Variants in PXDNL observed in about 807,000 individuals in gnomAD.
PXDNL encodes the protein peroxidasin like.
In PXDNL, 145 loss-of-function variants were observed where a neutral mutation model predicts 150.8. The observed-to-expected ratio is 0.96, with a 90% CI of 0.84 to 1.10. The LOEUF is 1.10. Among genes scored for constraint, PXDNL ranks in the 50% least tolerant of loss-of-function variants. The pLI is 0.00. For missense variants in PXDNL, 2,087 were observed against 1,873.9 expected (o/e 1.11, Z -2.10); for synonymous variants, 757 against 725.7 (o/e 1.04, Z -0.69).
At chr8:51,569,449 A>G (rs146838060) in intron 3 of PXDNL, among the ~76,000 whole-genome samples, 1 of 152,070 alleles carries the variant, frequency 6.6e-6, no homozygotes, top group East Asian at 1.9e-4. Flanking sequence ...CAAAAATGTT[A>G]TGATGAACAT....
intron 1 of PXDNL, among the ~76,000 whole-genome samples, chr8:51,772,965 A>C (rs1460660356): frequency 6.6e-6 from 1 of 152,182 alleles, no homozygotes; most frequent in Non-Finnish European, 1.5e-5. Flanking sequence ...TAAATTACAC[A>C]CACCTACTTC....
chr8:51,613,459 G>T (rs541782283), intron 2 of PXDNL, among the ~76,000 whole-genome samples: 1 of 117,810 alleles, frequency 8.5e-6, no homozygotes, highest in Non-Finnish European at 1.9e-5. Context: ...AAGAGGATCC[G>T]GGGAAACCTC....
chr8:51,602,238 A>G (rs886822501), intron 2 of PXDNL, among the ~76,000 whole-genome samples: 3 of 151,930 alleles, frequency 2.0e-5, no homozygotes, highest in African/African-American at 7.2e-5. Context: ...CAACTAGATT[A>G]AGGAAGTTTT....
rs769772282 is a variant in PXDNL at position 51,696,805 on chromosome 8, T to TCACACACACA, written c.165-42055_165-42046dup. ...CACATACCCACCCACACATAGGTCTTCACACACACACACACACACACACAC... is the reference window on the plus strand; with the variant it reads ...CACATACCCACCCACACATAGGTCTTCACACACACACACACACACACACACACACACACAC... On this transcript the variant is annotated intron_variant, in intron 1 of 22. Coordinates refer to ENST00000356297, the MANE Select transcript of PXDNL (RefSeq NM_144651.5). Among the ~76,000 whole-genome samples the TCACACACACA allele has an allele frequency of 3.3e-3, 86 of 26,404 alleles. 1 individual carries two copies. The highest frequency in any genetic ancestry group is 0.02 in the African/African-American group (83 of 4,156). The allele number at this position is 26,404 out of a possible 152,430, so 17.3% of individuals were successfully genotyped here.
chr8:51,679,457 A>G (rs1378087006), intron 1 of PXDNL, among the ~76,000 whole-genome samples: 1 of 152,348 alleles, frequency 6.6e-6, no homozygotes, highest in Admixed American at 6.5e-5. Flanking sequence ...TACTTAACAT[A>G]TCATTTGTAA....
chr8:51,477,388 T>C (rs987907274), intron 6 of PXDNL, among the ~76,000 whole-genome samples: 1 of 152,148 alleles, frequency 6.6e-6, no homozygotes, highest in African/African-American at 2.4e-5. Context: ...ATGGCTAAAG[T>C]AGGGAATTCT....
chr8:51,629,403 A>G (rs1342397532), intron 2 of PXDNL, among the ~76,000 whole-genome samples: 1 of 152,138 alleles, frequency 6.6e-6, no homozygotes, highest in Non-Finnish European at 1.5e-5. Context: ...AAGAAAAATG[A>G]ACAGAACCTA....
intron 1 of PXDNL, among the ~76,000 whole-genome samples, chr8:51,744,768 AG>A (rs34285850): frequency 0.96 from 129,494 of 134,978 alleles, 62,436 homozygotes; most frequent in East Asian, 1. Context: ...GAAAGAAGGA[AG>A]GAGAGAAAGA....
At chr8:51,461,551 G>A (rs886532545) in intron 8 of PXDNL, among the ~76,000 whole-genome samples, 4 of 152,236 alleles carry the variant, frequency 2.6e-5, no homozygotes, top group African/African-American at 7.2e-5. Flanking sequence ...CAACTGCATA[G>A]CCAAAACAAC....
intron 17 of PXDNL, among the ~76,000 whole-genome samples, chr8:51,406,384 G>C (rs1175229826): frequency 6.6e-6 from 1 of 152,194 alleles, no homozygotes; most frequent in Non-Finnish European, 1.5e-5. Context: ...TCCTATGCTA[G>C]TCTCTCCTCC....
intron 4 of PXDNL, among the ~76,000 whole-genome samples, chr8:51,531,045 GAA>G (rs145974224): frequency 0.023 from 3,547 of 152,290 alleles, 119 homozygotes; most frequent in African/African-American, 0.081. Flanking sequence ...TCCAAATACG[GAA>G]AGTTACTGTC....
chr8:51,331,634 T>A (rs1366789389), intron 21 of PXDNL, among the ~76,000 whole-genome samples: 1 of 152,072 alleles, frequency 6.6e-6, no homozygotes, highest in Non-Finnish European at 1.5e-5. Context: ...GACTAGGGGC[T>A]GTTGCAGGTG....
intron 15 of PXDNL, among the ~76,000 whole-genome samples, chr8:51,412,449 G>A (rs373420875): frequency 6.6e-5 from 10 of 152,256 alleles, no homozygotes; most frequent in African/African-American, 2.4e-4. Context: ...ATGAAGTGAG[G>A]AATCAGGAAG....
At chr8:51,565,746 C>T (rs1320421473) in intron 3 of PXDNL, among the ~76,000 whole-genome samples, 2 of 151,650 alleles carry the variant, frequency 1.3e-5, no homozygotes, top group Non-Finnish European at 2.9e-5. Flanking sequence ...CAGGTGAATA[C>T]ATATAATGTA....
chr8:51,596,130 A>C (rs947907841), intron 2 of PXDNL, among the ~76,000 whole-genome samples: 1 of 152,102 alleles, frequency 6.6e-6, no homozygotes, highest in Non-Finnish European at 1.5e-5. Context: ...GCTCCCACCT[A>C]TAAGTGAAAA....
In PXDNL at chr8:51,449,081, C is replaced by T. The variant is rs1297728318; in HGVS notation, c.1287G>A (p.Val429=). 1.3e-6 allele frequency: 2 copies of T among 1,552,532 alleles called. No homozygotes were observed. Among genetic ancestry groups the T allele is most frequent in the African/African-American group, 2.7e-5 (2 of 73,110 alleles). Residue 429 remains valine (V), a synonymous_variant, in exon 11 of 23, where the codon GTG becomes GTA. Transcript: ENST00000356297. Reference sequence around the variant, plus strand: ...ACTCTACAGCATGTTCTTCCAGCACCACTTGATCCTTGGGGGTTACTGTAA... The same window carrying T: ...ACTCTACAGCATGTTCTTCCAGCACTACTTGATCCTTGGGGGTTACTGTAA... The part of the protein sequence containing the change: ...PQFTVTPKDQ[V]VLEEHAVEWL...
At chr8:51,374,160 C>G (rs1039930701) in intron 18 of PXDNL, among the ~76,000 whole-genome samples, 18 of 152,288 alleles carry the variant, frequency 1.2e-4, no homozygotes, top group Middle Eastern at 3.4e-3. Flanking sequence ...GAGGGAATCT[C>G]AAGGCTGCTA....
At chr8:51,415,267 C>T (rs1000609617) in intron 14 of PXDNL, among the ~76,000 whole-genome samples, 2 of 152,078 alleles carry the variant, frequency 1.3e-5, no homozygotes, top group Non-Finnish European at 2.9e-5. Context: ...AGTCTGTTCT[C>T]GCATTGCTAT....
intron 17 of PXDNL, among the ~76,000 whole-genome samples, chr8:51,377,897 A>C (rs1310600829): frequency 6.6e-6 from 1 of 152,238 alleles, no homozygotes; most frequent in Non-Finnish European, 1.5e-5. Context: ...CCAAGGGCTG[A>C]GGAGTGCAGG....
Sources: allele counts gnomAD v4.1 joint callset (sites outside exome capture counted in the v4.1 genomes callset), GRCh38; gene constraint gnomAD v4.1.1; transcripts MANE v1.5; gene names NCBI Gene and HGNC (gene_info 2026-07-23, HGNC 2026-07-21).